Variants in PITPNM2 observed in about 807,000 individuals in gnomAD.
PITPNM2 encodes phosphatidylinositol transfer protein membrane associated 2.
A neutral mutation model predicts 132.2 loss-of-function variants in PITPNM2; 35 were observed. That is an observed-to-expected ratio of 0.26 (90% CI 0.20 to 0.35). The LOEUF (loss-of-function observed/expected upper bound fraction) is 0.35, where lower values mean the gene tolerates loss of function less well. Ranked by LOEUF, PITPNM2 falls within the 10% of genes least tolerant of loss-of-function variation. The pLI is 1.00. For synonymous variants in PITPNM2, 738 were observed against 799.2 expected (o/e 0.92, Z 1.29); for missense variants, 1,332 against 1,912.0 (o/e 0.70, Z 5.66).
rs544121230 is a variant in PITPNM2, at chr12:123,033,532, C to T, written c.78+981G>A. Among the ~76,000 whole-genome samples the T allele has an allele frequency of 2.2e-3, 335 of 152,326 alleles. 2 individuals are homozygous for T. Among genetic ancestry groups the T allele is most frequent in the African/African-American group, 7.7e-3 (322 of 41,570 alleles). On this transcript the variant is annotated intron_variant, in intron 3 of 25. Coordinates refer to ENST00000320201, the MANE Select transcript of PITPNM2 (RefSeq NM_020845.3). ...AAAGGAGCCTGTCATCCTCAAACTC[C>T]TGTGTGCGTCTGTAAGTGAGCCACA...
chr12:123,050,774 T>A (rs2040830307), intron 2 of PITPNM2, among the ~76,000 whole-genome samples: 1 of 152,206 alleles, frequency 6.6e-6, no homozygotes, highest in Non-Finnish European at 1.5e-5. Flanking sequence ...GGTAACTGGC[T>A]CTTCTTTACA....
chr12:123,038,451 T>C (rs894639452), intron 2 of PITPNM2, among the ~76,000 whole-genome samples: 28 of 152,178 alleles, frequency 1.8e-4, no homozygotes, highest in African/African-American at 5.5e-4. Flanking sequence ...CCTCGGTCTC[T>C]CCATATATAA....
chr12:123,151,583 C>T (rs1041556174), upstream of PITPNM2, among the ~76,000 whole-genome samples: 2 of 152,266 alleles, frequency 1.3e-5, no homozygotes, highest in East Asian at 3.9e-4. Context: ...TCAGGACGCC[C>T]GGGCCGCGGC....
intron 2 of PITPNM2, among the ~76,000 whole-genome samples, chr12:123,065,278 C>A (rs1468298432): frequency 1.3e-5 from 2 of 152,236 alleles, no homozygotes; most frequent in East Asian, 3.8e-4. Flanking sequence ...TCCCCCATAG[C>A]CCTCCAGTCA....
chr12:123,048,112 A>G (rs1046921570), intron 2 of PITPNM2, among the ~76,000 whole-genome samples: 10 of 149,612 alleles, frequency 6.7e-5, no homozygotes, highest in East Asian at 2.1e-4. Flanking sequence ...AAAAAAAAAA[A>G]AGAGACAGAC....
chr12:122,997,071 C>T (rs1186747590), intron 11 of PITPNM2, among the ~76,000 whole-genome samples, 161 bp from the exon 12 acceptor site: 1 of 152,186 alleles, frequency 6.6e-6, no homozygotes, highest in Admixed American at 6.5e-5. Flanking sequence ...TGGGTAAGAC[C>T]CCATGTCTCA....
rs2037849402 is a variant in PITPNM2, at chr12:122,984,362, A to T, written c.*1665T>A. ...TGACAGGGGCTGTGATTGTCGGGCC[A>T]AGCAACTTCCTGCTGGGAGCAGGGG... On this transcript the variant is annotated 3_prime_UTR_variant, in exon 26 of 26. Coordinates refer to ENST00000320201, the MANE Select transcript of PITPNM2 (RefSeq NM_020845.3). 1 of 152,654 alleles carries T rather than the reference A, an allele frequency of 6.6e-6. No homozygotes were observed. The allele number at this position is 152,654 out of a possible 1,614,324, so 9.5% of individuals were successfully genotyped here. A position where few individuals can be genotyped will look rare whatever the true frequency, so the allele number is the denominator to read the frequency against.
chr12:123,093,588 G>A (rs1221544277), intron 2 of PITPNM2, among the ~76,000 whole-genome samples: 2 of 152,132 alleles, frequency 1.3e-5, no homozygotes. Context: ...CTGCCACTCG[G>A]CAGCCCCTCC....
rs955221597 is a variant in PITPNM2, at chr12:123,047,003, C to T, written c.-95-12318G>A. 1.5e-4 allele frequency among the ~76,000 whole-genome samples: 23 copies of T among 152,312 alleles called. No homozygotes were observed. In the East Asian group the frequency reaches 4.4e-3, roughly 29 times the overall value. The stretch of plus-strand genomic sequence containing the variant: ...TATGCACCCCTAGCATTGATAATAG[C>T]ATTTTATGACTTACAAATTCTTTTA... On this transcript the variant is annotated intron_variant, in intron 2 of 25. Transcript: ENST00000320201.
At position 123,004,526 on chromosome 12, in the gene PITPNM2, G is replaced by C; in HGVS notation, c.953-37C>G. ...AACCCCAGATTGACCGCCAACTGGA[G>C]AGGAAGGGCCCAGAGGCTGCCCTGA... On this transcript the variant is annotated intron_variant, in intron 7 of 25. Transcript: ENST00000320201. This position sits in a 1 kb window ranked among gnomAD's most constrained non-coding sequence, Gnocchi z 4.9. The C allele has an allele frequency of 6.2e-7, 1 of 1,606,464 alleles. No individual in the cohort carries two copies. The highest frequency in any genetic ancestry group is 2.2e-5 in the East Asian group (1 of 44,866).
At chr12:123,151,397 G>T (rs1397193889), upstream of PITPNM2, among the ~76,000 whole-genome samples, 1 of 152,066 alleles carries the variant, frequency 6.6e-6, no homozygotes, top group African/African-American at 2.4e-5. Flanking sequence ...GAGCGCACTC[G>T]GGGGCGGGAA....
At chr12:123,014,353 C>T (rs2039336703) in intron 3 of PITPNM2, among the ~76,000 whole-genome samples, 1 of 152,226 alleles carries the variant, frequency 6.6e-6, no homozygotes, top group Non-Finnish European at 1.5e-5. Context: ...CACTTATTTG[C>T]TTTTCCTCAA....
rs2041997081 is a variant in PITPNM2 at position 123,082,612 on chromosome 12, T to C, written c.-96+27773A>G. Among the ~76,000 whole-genome samples, 1 of 152,170 alleles carries C rather than the reference T, an allele frequency of 6.6e-6. No homozygotes were observed. The highest frequency in any genetic ancestry group is 2.4e-5 in the African/African-American group (1 of 41,434). On this transcript the variant is annotated intron_variant, in intron 2 of 25. Transcript: ENST00000320201. This position sits in a 1 kb window ranked among gnomAD's most constrained non-coding sequence, Gnocchi z 5.4. ...CCACCATGCCCGGCTAATTTTTATA[T>C]TTTTAGTAAGACGGGGTTTCACCAT...
intron 1 of PITPNM2, among the ~76,000 whole-genome samples, chr12:123,112,080 A>T (rs2042849609): frequency 6.6e-6 from 1 of 152,204 alleles, no homozygotes. Flanking sequence ...CACAGGGGCT[A>T]TGAGAAAAAA....
intron 1 of PITPNM2, among the ~76,000 whole-genome samples, chr12:123,119,381 A>T (rs1309978025): frequency 7.0e-6 from 1 of 142,002 alleles, no homozygotes; most frequent in Admixed American, 7.1e-5. Context: ...TTTTTGAGAC[A>T]GAGTCTTGCT....
rs2043723850 is a variant in PITPNM2, at chr12:123,150,727, C to T, written c.-200+26G>A. 6.6e-6 allele frequency among the ~76,000 whole-genome samples: 1 copy of T among 150,628 alleles called. No individual in the cohort carries two copies. Among genetic ancestry groups the T allele is most frequent in the South Asian group, 2.1e-4 (1 of 4,824 alleles). On this transcript the variant is annotated intron_variant, in intron 1 of 25. Coordinates refer to ENST00000320201, the MANE Select transcript of PITPNM2 (RefSeq NM_020845.3). The surrounding 1 kb of genome is among the most constrained non-coding windows in gnomAD (Gnocchi z 6.0). ...CACTGCGGGACTCACCGCGGGCCTG[C>T]GGAGCGGCCGCCCGGACGCACTCAC...
intron 1 of PITPNM2, among the ~76,000 whole-genome samples, chr12:123,140,623 C>G (rs1322983130): frequency 6.6e-6 from 1 of 152,058 alleles, no homozygotes; most frequent in Non-Finnish European, 1.5e-5. Flanking sequence ...GCTTGACCAG[C>G]TGTCACCCAG....
intron 2 of PITPNM2, among the ~76,000 whole-genome samples, chr12:123,067,089 T>C (rs2041449016): frequency 6.6e-6 from 1 of 152,154 alleles, no homozygotes; most frequent in East Asian, 1.9e-4. Context: ...GTGAAGGATT[T>C]CTAGATGAAA....
chr12:123,143,537 G>C (rs558501708), intron 1 of PITPNM2, among the ~76,000 whole-genome samples: 2 of 152,230 alleles, frequency 1.3e-5, no homozygotes, highest in African/African-American at 4.8e-5. Context: ...TCCTCTGAGA[G>C]AGCCCAGGCA....
Sources: allele counts gnomAD v4.1 joint callset (sites outside exome capture counted in the v4.1 genomes callset), GRCh38; gene constraint gnomAD v4.1.1; non-coding constraint Gnocchi (gnomAD v3.1); transcripts MANE v1.5; gene names NCBI Gene and HGNC (gene_info 2026-07-23, HGNC 2026-07-21).